The following COXFA4 variants were observed in gnomAD, a reference collection of about 807,000 sequenced individuals.
COXFA4 encodes the protein cytochrome c oxidase subunit FA4.
At chr7:10,937,576 C>T in the COXFA4 span, among the ~76,000 whole-genome samples, 1 of 152,118 alleles carries the variant, frequency 6.6e-6, no homozygotes, top group African/African-American at 2.4e-5. Flanking sequence ...AGCCACCGTG[C>T]CTGGCCTGCC....
chr7:10,938,153 A>C, the COXFA4 span: 26 of 1,611,380 alleles, frequency 1.6e-5, 1 homozygote, highest in Admixed American at 2.5e-4. Context: ...CCCAACTAAA[A>C]GAAATAAAAC....
the COXFA4 span, among the ~76,000 whole-genome samples, chr7:10,935,689 A>C: frequency 3.2e-4 from 48 of 152,252 alleles, 1 homozygote; most frequent in African/African-American, 1.1e-3. Flanking sequence ...TTGGGCCCTC[A>C]TGAGGAACAG....
At chr7:10,933,702 G>GA in the COXFA4 span, 9 of 1,597,146 alleles carry the variant, frequency 5.6e-6, no homozygotes, top group Non-Finnish European at 7.7e-6. Flanking sequence ...ACTTGGAACA[G>GA]AAAAAAAGAT....
the COXFA4 span, chr7:10,932,352 C>T: frequency 6.6e-6 from 1 of 152,172 alleles, no homozygotes; most frequent in Non-Finnish European, 1.5e-5. Flanking sequence ...ACTGAAAACA[C>T]TCTACACACT....
the COXFA4 span, chr7:10,940,100 T>A: frequency 6.3e-7 from 1 of 1,599,674 alleles, no homozygotes; most frequent in Non-Finnish European, 8.6e-7. Context: ...AGAACCGACC[T>A]AGCCACCAGG....
chr7:10,937,212 G>T, the COXFA4 span, among the ~76,000 whole-genome samples: 2 of 152,008 alleles, frequency 1.3e-5, no homozygotes, highest in African/African-American at 4.8e-5. Flanking sequence ...CATTGAGTGA[G>T]TTATAAACTT....
the COXFA4 span, chr7:10,938,446 A>G: frequency 4.5e-6 from 2 of 441,836 alleles, no homozygotes; most frequent in Non-Finnish European, 8.1e-6. Flanking sequence ...TGATGAATCA[A>G]TCTTTTGATT....
At chr7:10,935,377 A>G in the COXFA4 span, among the ~76,000 whole-genome samples, 1 of 152,200 alleles carries the variant, frequency 6.6e-6, no homozygotes, top group African/African-American at 2.4e-5. Context: ...GGGAGCTTCA[A>G]CTGTTATTCA....
At chr7:10,938,642 G>C in the COXFA4 span, 1 of 587,960 alleles carries the variant, frequency 1.7e-6, no homozygotes, top group Non-Finnish European at 3.0e-6. Flanking sequence ...ATAATTTCAT[G>C]AACCAAAAAA....
At chr7:10,932,971 A>G in the COXFA4 span, 5 of 152,366 alleles carry the variant, frequency 3.3e-5, no homozygotes, top group African/African-American at 4.8e-5. Flanking sequence ...CTCAAAAAAA[A>G]AAAAAAGAAA....
At chr7:10,937,104 G>A in the COXFA4 span, among the ~76,000 whole-genome samples, 1 of 152,124 alleles carries the variant, frequency 6.6e-6, no homozygotes, top group Non-Finnish European at 1.5e-5. Context: ...GTCAAGCAGT[G>A]CTGGACACAC....
At chr7:10,934,384 A>AAAAC in the COXFA4 span, among the ~76,000 whole-genome samples, 1 of 151,532 alleles carries the variant, frequency 6.6e-6, no homozygotes, top group African/African-American at 2.4e-5. Context: ...TTTAAAAAAA[A>AAAAC]AAAAAAAAAA....
the COXFA4 span, chr7:10,932,975 A>G: frequency 6.6e-6 from 1 of 152,166 alleles, no homozygotes; most frequent in South Asian, 2.1e-4. Context: ...AAAAAAAAAA[A>G]AAGAAAAAAG....
the COXFA4 span, chr7:10,933,673 T>C: frequency 1.2e-6 from 2 of 1,610,356 alleles, no homozygotes; most frequent in Non-Finnish European, 8.5e-7. Flanking sequence ...CTTGCTGTAA[T>C]CCACATTCAC....
the COXFA4 span, chr7:10,938,045 T>C: frequency 7.1e-6 from 11 of 1,553,064 alleles, no homozygotes; most frequent in Non-Finnish European, 8.9e-6. Flanking sequence ...ACAAAACTTA[T>C]TACAACACAA....
chr7:10,940,031 G>A, the COXFA4 span: 7 of 1,613,764 alleles, frequency 4.3e-6, no homozygotes, highest in Non-Finnish European at 5.9e-6. Context: ...GATGCTTCTT[G>A]GCCTGACCGA....
chr7:10,940,042 T>C, the COXFA4 span: 1 of 1,613,826 alleles, frequency 6.2e-7, no homozygotes, highest in South Asian at 1.1e-5. Flanking sequence ...GCCTGACCGA[T>C]GATCTGGCGG....
the COXFA4 span, chr7:10,940,065 G>A: frequency 1.2e-6 from 2 of 1,613,550 alleles, no homozygotes; most frequent in East Asian, 2.2e-5. Context: ...CATGTTTGCG[G>A]CAGAGGTCTC....
the COXFA4 span, chr7:10,938,372 C>T: frequency 1.9e-6 from 1 of 525,944 alleles, no homozygotes; most frequent in African/African-American, 1.9e-5. Context: ...TACTTTTTAT[C>T]TGGCTTTCAC....
Sources: gnomAD v4.1 joint callset for allele counts (sites outside exome capture counted in the v4.1 genomes callset) on GRCh38, gnomAD v4.1.1 for gene constraint, MANE v1.5 for transcripts, NCBI Gene and HGNC (gene_info 2026-07-23, HGNC 2026-07-21) for gene names.